The following EPHB2 variants were observed in gnomAD, a reference collection of about 807,000 sequenced individuals.
The protein encoded by EPHB2 is EPH receptor B2, also known as ephrin type-B receptor 2.
Under a neutral mutation model 96.4 loss-of-function variants are expected in EPHB2, and 18 were observed. The ratio of observed to expected loss-of-function variants is 0.19; its 90% CI spans 0.13 to 0.28. The LOEUF is 0.28. Among genes scored for constraint, EPHB2 ranks in the 10% least tolerant of loss-of-function variants. EPHB2 has a pLI of 1.00. For missense variants in EPHB2, 989 were observed against 1,355.4 expected (o/e 0.73, Z 4.25); for synonymous variants, 506 against 534.1 (o/e 0.95, Z 0.72).
intron 3 of EPHB2, among the ~76,000 whole-genome samples, chr1:22,785,326 T>G (rs2148426149): frequency 6.6e-6 from 1 of 152,360 alleles, no homozygotes; most frequent in South Asian, 2.1e-4. Flanking sequence ...TGGCACAGGA[T>G]AAAGGTTTTT....
intron 3 of EPHB2, among the ~76,000 whole-genome samples, chr1:22,787,918 A>C (rs138073139): frequency 5.9e-5 from 9 of 152,190 alleles, no homozygotes; most frequent in Non-Finnish European, 1.0e-4. Flanking sequence ...AAGGTCACTC[A>C]CGGGGTTGTT....
At chr1:22,712,167 T>C (rs1643167181) in intron 1 of EPHB2, among the ~76,000 whole-genome samples, 1 of 152,194 alleles carries the variant, frequency 6.6e-6, no homozygotes, top group African/African-American at 2.4e-5. Flanking sequence ...TCCCTCAAAA[T>C]ACACCTTCCG....
At chr1:22,793,934 GTCCA>G (rs577244206) in intron 3 of EPHB2, among the ~76,000 whole-genome samples, 2,695 of 152,198 alleles carry the variant, frequency 0.018, 74 homozygotes, top group African/African-American at 0.062. Context: ...TTAATAAGTT[GTCCA>G]GATGTACTCA....
At chr1:22,745,735 G>A (rs1298863063) in intron 1 of EPHB2, among the ~76,000 whole-genome samples, 3 of 152,132 alleles carry the variant, frequency 2.0e-5, no homozygotes, top group East Asian at 1.9e-4. Flanking sequence ...CCTAGCTCAC[G>A]GTGGGCGCTT....
chr1:22,747,617 T>C (rs1643994697), intron 1 of EPHB2, among the ~76,000 whole-genome samples: 1 of 152,208 alleles, frequency 6.6e-6, no homozygotes, highest in Non-Finnish European at 1.5e-5. Context: ...GTCTGTGAGC[T>C]GGCATTGCCA....
At chr1:22,841,370 C>T (rs1056879148) in intron 3 of EPHB2, among the ~76,000 whole-genome samples, 1 of 152,116 alleles carries the variant, frequency 6.6e-6, no homozygotes, top group African/African-American at 2.4e-5. Context: ...CTCTTGCTGT[C>T]GTTTAAGTCC....
intron 1 of EPHB2, among the ~76,000 whole-genome samples, chr1:22,778,902 C>G (rs1040933800): frequency 1.3e-5 from 2 of 152,224 alleles, no homozygotes; most frequent in Non-Finnish European, 2.9e-5. Context: ...CAGTTCCTGG[C>G]CCCTCCTTCT....
At chr1:22,763,212 C>T (rs769580006) in intron 1 of EPHB2, among the ~76,000 whole-genome samples, 9 of 152,190 alleles carry the variant, frequency 5.9e-5, no homozygotes, top group Non-Finnish European at 1.3e-4. Context: ...GGGCAGGTTG[C>T]TTCACTTCTC....
intron 3 of EPHB2, among the ~76,000 whole-genome samples, chr1:22,842,367 G>A (rs537461394): frequency 5.3e-4 from 81 of 152,264 alleles, no homozygotes; most frequent in African/African-American, 1.9e-3. Flanking sequence ...CATTCGCGTG[G>A]GGTGTTACCG....
At chr1:22,897,953 A>G (rs1010839598) in intron 9 of EPHB2, among the ~76,000 whole-genome samples, 3 of 151,954 alleles carry the variant, frequency 2.0e-5, no homozygotes, top group Non-Finnish European at 2.9e-5. Flanking sequence ...AAGTTCAAAA[A>G]TTAGCTGGGT....
Position 22,913,186 on chromosome 1 carries a change from C to T in EPHB2, c.2853-276C>T. On this transcript the variant is annotated intron_variant, in intron 15 of 15. Coordinates refer to ENST00000374630, the MANE Select transcript of EPHB2 (RefSeq NM_017449.5). This position sits in a 1 kb window ranked among gnomAD's most constrained non-coding sequence, Gnocchi z 4.1. ...CCAGCCTGGGTGACAGAGCGAGACT[C>T]TGTCTCGAAAAAGAAAGAAAATGTA... The T allele has an allele frequency of 2.0e-6, 1 of 509,746 alleles. No homozygotes were observed. The highest frequency in any genetic ancestry group is 2.0e-5 in the South Asian group (1 of 49,078). 31.6% of individuals were successfully genotyped at this position (509,746 alleles called of 1,614,324 possible). A position where few individuals can be genotyped will look rare whatever the true frequency, so the allele number is the denominator to read the frequency against.
rs1038752501 is a variant in EPHB2, at chr1:22,833,633, G to A, written c.812-29404G>A. On this transcript the variant is annotated intron_variant, in intron 3 of 15. Coordinates refer to ENST00000374630, the MANE Select transcript of EPHB2 (RefSeq NM_017449.5). Reference sequence around the variant, plus strand: ...TATATAACTTCTGAAGCAGCAGAGGGAATAAAAAGGCATACAGCAAATACA... The same window carrying A: ...TATATAACTTCTGAAGCAGCAGAGGAAATAAAAAGGCATACAGCAAATACA... Among the ~76,000 whole-genome samples the A allele has an allele frequency of 5.3e-5, 8 of 152,156 alleles. No homozygotes were observed. The South Asian group carries it at 8.3e-4, about 16-fold the overall frequency.
chr1:22,781,176 C>T (rs1451568559), intron 1 of EPHB2, among the ~76,000 whole-genome samples: 5 of 151,764 alleles, frequency 3.3e-5, no homozygotes, highest in East Asian at 1.9e-4. Context: ...AAAAATTAGC[C>T]GGGCGTGGTT....
At chr1:22,838,393 A>AATCAGGG (rs1379473855) in intron 3 of EPHB2, among the ~76,000 whole-genome samples, 1 of 152,240 alleles carries the variant, frequency 6.6e-6, no homozygotes, top group Admixed American at 6.5e-5. Context: ...GAGTCAGAAG[A>AATCAGGG]CCCAGGGAAT....
At chr1:22,908,391 G>A (rs1398364067) in intron 12 of EPHB2, among the ~76,000 whole-genome samples, 2 of 152,270 alleles carry the variant, frequency 1.3e-5, no homozygotes, top group East Asian at 3.8e-4. Context: ...CTGTAAGCCA[G>A]GACAGCCAGC....
chr1:22,849,947 G>T (rs917192952), intron 3 of EPHB2, among the ~76,000 whole-genome samples: 3 of 152,176 alleles, frequency 2.0e-5, no homozygotes, highest in South Asian at 2.1e-4. Flanking sequence ...ATCCCCGGGG[G>T]GTCCGGGGGT....
At chr1:22,759,994 G>C (rs1404235558) in intron 1 of EPHB2, among the ~76,000 whole-genome samples, 1 of 152,160 alleles carries the variant, frequency 6.6e-6, no homozygotes, top group African/African-American at 2.4e-5. Context: ...CCTGAGGCTT[G>C]TGCACTCTAT....
chr1:22,911,944 G>A (rs916020454), intron 14 of EPHB2, among the ~76,000 whole-genome samples: 8 of 152,124 alleles, frequency 5.3e-5, no homozygotes, highest in Non-Finnish European at 1.0e-4. Context: ...TCCCATTAGC[G>A]CCACCAGCCT....
rs1248725397 is a variant in EPHB2 at position 22,913,593 on chromosome 1, T to A, written c.*23T>A. ...TGACATTCACCTGCCTCGGCTCACC[T>A]CTTCCTCCAAGCCCCGCCCCCTCTG... On this transcript the variant is annotated 3_prime_UTR_variant, in exon 16 of 16. Transcript: ENST00000374630. This position sits in a 1 kb window ranked among gnomAD's most constrained non-coding sequence, Gnocchi z 4.1. 31 of 1,613,690 alleles carry A rather than the reference T, an allele frequency of 1.9e-5. No individual in the cohort carries two copies. The highest frequency in any genetic ancestry group is 6.6e-5 in the South Asian group (6 of 90,922).
Sources: gnomAD v4.1 joint callset for allele counts (sites outside exome capture counted in the v4.1 genomes callset) on GRCh38, gnomAD v4.1.1 for gene constraint, Gnocchi (gnomAD v3.1) non-coding constraint, MANE v1.5 for transcripts, NCBI Gene and HGNC (gene_info 2026-07-23, HGNC 2026-07-21) for gene names.